CHSY3: variants seen among roughly 807,000 people sequenced by gnomAD.
CHSY3 encodes N-acetylgalactosaminyl-proteoglycan 3-beta-glucuronosyltransferase 3.
In CHSY3, 35 loss-of-function variants were observed where a neutral mutation model predicts 67.2. That is an observed-to-expected ratio of 0.52 (90% confidence interval 0.40 to 0.69). The LOEUF (loss-of-function observed/expected upper bound fraction) is 0.69, where lower values mean the gene tolerates loss of function less well. Ranked by LOEUF, CHSY3 falls within the 30% of genes least tolerant of loss-of-function variation. CHSY3 has a pLI of 0.00. For missense variants in CHSY3, 1,069 were observed against 1,138.5 expected, an observed-to-expected ratio of 0.94 and a Z score of 0.88; for synonymous variants, 474 against 434.7, an observed-to-expected ratio of 1.09 and a Z score of -1.12.
chr5:130,153,638 C>T (rs1350779226), intron 2 of CHSY3, among the ~76,000 whole-genome samples: 1 of 152,138 alleles, frequency 6.6e-6, no homozygotes, highest in East Asian at 1.9e-4. Flanking sequence ...GTGCTTCCTC[C>T]TGATGTCACC....
At chr5:130,008,915 G>GA (rs1378076532) in intron 2 of CHSY3, among the ~76,000 whole-genome samples, 2 of 151,680 alleles carry the variant, frequency 1.3e-5, no homozygotes, top group Non-Finnish European at 2.9e-5. Context: ...CAAAAATAAA[G>GA]AAAAAAGAAT....
chr5:129,982,609 T>C (rs551938534), intron 2 of CHSY3, among the ~76,000 whole-genome samples: 241 of 152,204 alleles, frequency 1.6e-3, no homozygotes, highest in African/African-American at 5.6e-3. Flanking sequence ...TTTAATACCA[T>C]ATCTTTCATT....
chr5:130,064,584 C>G (rs1765822762), intron 2 of CHSY3, among the ~76,000 whole-genome samples: 1 of 152,098 alleles, frequency 6.6e-6, no homozygotes, highest in South Asian at 2.1e-4. Context: ...ATTTGGGAAA[C>G]AGTTGAAAGT....
chr5:130,058,793 G>C (rs969471807), intron 2 of CHSY3, among the ~76,000 whole-genome samples: 5 of 152,248 alleles, frequency 3.3e-5, no homozygotes, highest in Non-Finnish European at 7.3e-5. Flanking sequence ...CCAGACGTCT[G>C]AAAGCAAGGT....
intron 2 of CHSY3, among the ~76,000 whole-genome samples, chr5:130,077,126 AT>A (rs1766291490): frequency 6.6e-6 from 1 of 151,676 alleles, no homozygotes; most frequent in African/African-American, 2.4e-5. Context: ...AAGAAAAAAA[AT>A]TTAAAAAAAA....
rs567794510 is a variant in CHSY3 at position 129,984,375 on chromosome 5, G to T, written c.1086+76015G>T. On this transcript the variant is annotated intron_variant, in intron 2 of 2. Coordinates refer to ENST00000305031, the MANE Select transcript of CHSY3 (RefSeq NM_175856.5). ...GGATATGATCTCATTCTTTTTTATG[G>T]CTGTGTAGTATTCCGTGGTGTATAT... 2.0e-5 allele frequency among the ~76,000 whole-genome samples: 3 copies of T among 152,038 alleles called. No individual in the cohort carries two copies. In the South Asian group the frequency reaches 6.2e-4, roughly 32 times the overall value.
intron 2 of CHSY3, among the ~76,000 whole-genome samples, chr5:129,945,611 G>A (rs1228630241): frequency 6.6e-6 from 1 of 152,068 alleles, no homozygotes; most frequent in Non-Finnish European, 1.5e-5. Context: ...ATGAGGACTT[G>A]GGGAAAGAAG....
chr5:129,905,307 G>T lies in CHSY3; in HGVS notation c.478G>T (p.Gly160Trp). ...GAGTAGCCACAACGGCAGCGGGGAC[G>T]GGGGCGCTGCCGCCCCGAGCGCCCG... ...PGSSHNGSGDGGAAAPSARPR... is the reference protein window; with the variant it reads ...PGSSHNGSGDWGAAAPSARPR... The change falls in exon 1 of 3, where the codon GGG becomes TGG. Residue 160 changes from glycine (G) to tryptophan (W), a missense_variant. Transcript: ENST00000305031. The T allele has an allele frequency of 6.7e-7, 1 of 1,502,576 alleles. No homozygotes were observed. Among genetic ancestry groups the T allele is most frequent in the Non-Finnish European group, 8.8e-7 (1 of 1,130,886 alleles). The allele number at this position is 1,502,576 out of a possible 1,614,324, so 93.1% of individuals were successfully genotyped here. A position where few individuals can be genotyped will look rare whatever the true frequency, so the allele number is the denominator to read the frequency against.
At chr5:130,069,166 T>TC (rs1322407762) in intron 2 of CHSY3, among the ~76,000 whole-genome samples, 8 of 152,092 alleles carry the variant, frequency 5.3e-5, no homozygotes, top group African/African-American at 1.9e-4. Flanking sequence ...TTCAGGCCTG[T>TC]CATCATAGCC....
intron 2 of CHSY3, among the ~76,000 whole-genome samples, chr5:130,014,267 C>A (rs1764147863): frequency 6.6e-6 from 1 of 152,208 alleles, no homozygotes; most frequent in Non-Finnish European, 1.5e-5. Context: ...TCTAAAGTCA[C>A]TTCCACATTT....
intron 2 of CHSY3, among the ~76,000 whole-genome samples, chr5:130,161,949 A>T (rs572861265): frequency 6.7e-6 from 1 of 150,318 alleles, no homozygotes; most frequent in South Asian, 2.1e-4. Context: ...CTGAGGTGGG[A>T]GAATCACCTG....
At chr5:130,001,179 C>T (rs921958147) in intron 2 of CHSY3, among the ~76,000 whole-genome samples, 1 of 152,162 alleles carries the variant, frequency 6.6e-6, no homozygotes, top group Non-Finnish European at 1.5e-5. Context: ...ACGCCTGGCC[C>T]TGCCTTCTTT....
At chr5:130,038,647 A>G (rs765755076) in intron 2 of CHSY3, among the ~76,000 whole-genome samples, 5 of 152,074 alleles carry the variant, frequency 3.3e-5, no homozygotes, top group Non-Finnish European at 7.4e-5. Flanking sequence ...TCCATAGTGT[A>G]TTGTTTGTCT....
chr5:130,002,433 A>G (rs773036337), intron 2 of CHSY3, among the ~76,000 whole-genome samples: 13 of 152,164 alleles, frequency 8.5e-5, no homozygotes, highest in Non-Finnish European at 1.9e-4. Flanking sequence ...CTTATAATCC[A>G]TGGGATATTA....
chr5:129,945,060 T>C (rs4400160), intron 2 of CHSY3, among the ~76,000 whole-genome samples: 143,610 of 152,332 alleles, frequency 0.94, 67,801 homozygotes, highest in East Asian at 1. Context: ...AATTTATCTA[T>C]GCAAATTAAC....
chr5:129,945,326 C>T (rs765993789), intron 2 of CHSY3, among the ~76,000 whole-genome samples: 4 of 152,172 alleles, frequency 2.6e-5, no homozygotes, highest in Admixed American at 6.5e-5. Flanking sequence ...AGTGGCCAAA[C>T]ATCCCAAGAA....
At chr5:129,931,998 A>C (rs919166881) in intron 2 of CHSY3, among the ~76,000 whole-genome samples, 2 of 151,892 alleles carry the variant, frequency 1.3e-5, no homozygotes, top group African/African-American at 4.8e-5. Context: ...CTCTACAGAA[A>C]AAGAAATAAT....
In CHSY3 at chr5:130,186,071, T is replaced by C. The variant is rs554684476; in HGVS notation, c.*280T>C. 34 of 181,182 alleles carry C rather than the reference T, an allele frequency of 1.9e-4. No homozygotes were observed. The East Asian group carries it at 4.4e-3, about 24-fold the overall frequency. The allele number at this position is 181,182 out of a possible 1,614,324, so 11.2% of individuals were successfully genotyped here. On this transcript the variant is annotated 3_prime_UTR_variant, in exon 3 of 3. Coordinates refer to ENST00000305031, the MANE Select transcript of CHSY3 (RefSeq NM_175856.5). The stretch of plus-strand genomic sequence containing the variant: ...ATTGAGTTAAATCATAGCAATCAAA[T>C]GACTTTTGAAACGCATTCATCACAA...
chr5:130,182,183 GT>G (rs897293675), intron 2 of CHSY3, among the ~76,000 whole-genome samples: 4 of 151,878 alleles, frequency 2.6e-5, no homozygotes. Context: ...TTATCTATCT[GT>G]TTTTTTGTGG....
Sources: allele counts gnomAD v4.1 joint callset (sites outside exome capture counted in the v4.1 genomes callset), GRCh38; gene constraint gnomAD v4.1.1; transcripts MANE v1.5; gene names NCBI Gene and HGNC (gene_info 2026-07-23, HGNC 2026-07-21).